ZDHHC11: variants seen among roughly 807,000 people sequenced by gnomAD.
The protein encoded by ZDHHC11 is zDHHC palmitoyltransferase 11.
A neutral mutation model predicts 51.3 loss-of-function variants in ZDHHC11; 44 were observed. That is an observed-to-expected ratio of 0.86 (90% CI 0.67 to 1.10). ZDHHC11 has a LOEUF of 1.10. Ranked by LOEUF, ZDHHC11 falls within the 50% of genes least tolerant of loss-of-function variation. ZDHHC11 has a pLI of 0.00. For missense variants in ZDHHC11, 400 were observed against 537.7 expected (o/e 0.74, Z 2.53); for synonymous variants, 163 against 222.0 (o/e 0.73, Z 2.36).
chr5:808,727 T>C (rs1415222576), intron 11 of ZDHHC11, among the ~76,000 whole-genome samples: 14 of 146,436 alleles, frequency 9.6e-5, no homozygotes, highest in Non-Finnish European at 1.5e-5. Context: ...TGAGACAGTC[T>C]TGCTCTGTCG....
intron 6 of ZDHHC11, among the ~76,000 whole-genome samples, chr5:835,528 G>C (rs1169836299): frequency 6.6e-6 from 1 of 151,886 alleles, no homozygotes; most frequent in Non-Finnish European, 1.5e-5. Flanking sequence ...GGTTGTGTAA[G>C]TTCTCCAATT....
upstream of ZDHHC11, among the ~76,000 whole-genome samples, chr5:860,254 C>A (rs1437498352): frequency 1.3e-5 from 2 of 152,224 alleles, no homozygotes; most frequent in African/African-American, 4.8e-5. This position sits in a 1 kb window ranked among gnomAD's most constrained non-coding sequence, Gnocchi z 4.2. Flanking sequence ...GCCAGAGAGG[C>A]TGAGACGGTG....
chr5:854,314 A>AG (rs1747798489), upstream of ZDHHC11, among the ~76,000 whole-genome samples: 1 of 139,448 alleles, frequency 7.2e-6, no homozygotes, highest in Non-Finnish European at 1.5e-5. Context: ...ACAGCAAGCC[A>AG]GGGGGACAGA....
rs903448913 is a variant in ZDHHC11 at position 809,351 on chromosome 5, C to T, written c.1181+5410G>A. ...TGGTGAGCCTGTGTCCCCAGATTCACAGGCTGAAGTCCTAACCCCAGCGTT... is the reference window on the plus strand; with the variant it reads ...TGGTGAGCCTGTGTCCCCAGATTCATAGGCTGAAGTCCTAACCCCAGCGTT... On this transcript the variant is annotated intron_variant, in intron 11 of 12. Coordinates refer to ENST00000283441, the MANE Select transcript of ZDHHC11 (RefSeq NM_024786.3). Among the ~76,000 whole-genome samples, 5 of 142,114 alleles carry T rather than the reference C, an allele frequency of 3.5e-5. No individual in the cohort carries two copies. In the East Asian group the frequency reaches 1.0e-3, roughly 29 times the overall value. 93.2% of individuals were successfully genotyped at this position (142,114 alleles called of 152,430 possible).
At chr5:802,871 A>AAAAAAAAAAAC (rs1561228376) in intron 11 of ZDHHC11, among the ~76,000 whole-genome samples, 6 of 114,246 alleles carry the variant, frequency 5.3e-5, no homozygotes, top group African/African-American at 1.9e-4. Context: ...AAAAAAAAAA[A>AAAAAAAAAAAC]AAAGCTAAAT....
In ZDHHC11 at chr5:824,632, C is replaced by G. The variant is rs1319690841; in HGVS notation, c.1023+532G>C. ...ACACACATATACACGTGACCACACA[C>G]CACACACAAAACCACACACATAACC... is the stretch of plus-strand genomic sequence containing the variant. On this transcript the variant is annotated intron_variant, in intron 8 of 12. Transcript: ENST00000283441. Among the ~76,000 whole-genome samples, 5 of 149,938 alleles carry G rather than the reference C, an allele frequency of 3.3e-5. 1 individual carries two copies. Among genetic ancestry groups the G allele is most frequent in the Non-Finnish European group, 7.4e-5 (5 of 67,734 alleles).
intron 11 of ZDHHC11, among the ~76,000 whole-genome samples, chr5:813,347 A>T (rs1301770594): frequency 7.0e-6 from 1 of 142,052 alleles, no homozygotes; most frequent in Non-Finnish European, 1.5e-5. Flanking sequence ...AAAAAATAAA[A>T]AAATAAATGT....
intron 5 of ZDHHC11, 59 bp from the exon 6 acceptor site, chr5:837,539 C>G: frequency 6.4e-7 from 1 of 1,563,708 alleles, no homozygotes; most frequent in Non-Finnish European, 8.8e-7. Context: ...TGCACGGCGC[C>G]CACAGGACAG....
chr5:838,159 A>T (rs1031866337), intron 5 of ZDHHC11, among the ~76,000 whole-genome samples: 7 of 151,626 alleles, frequency 4.6e-5, no homozygotes, highest in Non-Finnish European at 1.5e-5. Context: ...AGCCCTGCAC[A>T]GTGCCCACAG....
In ZDHHC11 at chr5:840,970, G is replaced by A. The variant is rs542300057; in HGVS notation, c.629-320C>T. 1.0e-4 allele frequency: 135 copies of A among 1,334,806 alleles called. 1 individual carries two copies. In the African/African-American group the frequency reaches 1.6e-3, roughly 16 times the overall value. The allele number at this position is 1,334,806 out of a possible 1,614,324, so 82.7% of individuals were successfully genotyped here. ...CACCCCTTGCTCACTAAGAGCCAGG[G>A]TCACAGCGCCCACCCCTTCCTAAGT... is the stretch of plus-strand genomic sequence containing the variant. On this transcript the variant is annotated intron_variant, in intron 4 of 12. Coordinates refer to ENST00000283441, the MANE Select transcript of ZDHHC11 (RefSeq NM_024786.3).
chr5:807,387 G>T lies in ZDHHC11; in HGVS notation c.1182-6223C>A, dbSNP rs868282326. On this transcript the variant is annotated intron_variant, in intron 11 of 12. Coordinates refer to ENST00000283441, the MANE Select transcript of ZDHHC11 (RefSeq NM_024786.3). Reference sequence around the variant, plus strand: ...CAAGAGAATGAAGAGCATGAGCGGGGTGCAAGGACTTGGAATAGGGGCCCC... The same window carrying T: ...CAAGAGAATGAAGAGCATGAGCGGGTTGCAAGGACTTGGAATAGGGGCCCC... Among the ~76,000 whole-genome samples, 60 of 151,442 alleles carry T rather than the reference G, an allele frequency of 4.0e-4. 3 individuals carry two copies. In the Middle Eastern group the frequency reaches 0.01, roughly 26 times the overall value.
chr5:821,168 CTG>C (rs200765612), intron 9 of ZDHHC11: 8,083 of 151,496 alleles, frequency 0.053, 780 homozygotes, highest in African/African-American at 0.18. Flanking sequence ...TGGCTCTCTG[CTG>C]CTCCCCCCGG....
chr5:812,324 T>C (rs1157194980), intron 11 of ZDHHC11, among the ~76,000 whole-genome samples: 1 of 151,930 alleles, frequency 6.6e-6, no homozygotes, highest in East Asian at 1.9e-4. Flanking sequence ...AAGAAATACG[T>C]TGGAAACACA....
chr5:841,339 G>A lies in ZDHHC11; in HGVS notation c.629-689C>T, dbSNP rs3889441. On this transcript the variant is annotated intron_variant, in intron 4 of 12. Coordinates refer to ENST00000283441, the MANE Select transcript of ZDHHC11 (RefSeq NM_024786.3). ...GCCCACCCCTTCCTTACTAAGTGCCGGGGTCACAGTGCCCACCCCTTCCTC... is the reference window on the plus strand; with the variant it reads ...GCCCACCCCTTCCTTACTAAGTGCCAGGGTCACAGTGCCCACCCCTTCCTC... 581 of 907,648 alleles carry A rather than the reference G, an allele frequency of 6.4e-4. 10 individuals are homozygous for A. The African/African-American group carries it at 0.015, about 23-fold the overall frequency. The allele number at this position is 907,648 out of a possible 1,614,324, so 56.2% of individuals were successfully genotyped here.
At chr5:810,646 A>G (rs1456983095) in intron 11 of ZDHHC11, among the ~76,000 whole-genome samples, 3 of 151,506 alleles carry the variant, frequency 2.0e-5, no homozygotes, top group Non-Finnish European at 3.0e-5. Context: ...GAGTGAGTCT[A>G]TAAGGTGGAC....
chr5:805,798 G>A (rs1739161265), intron 11 of ZDHHC11, among the ~76,000 whole-genome samples: 1 of 151,308 alleles, frequency 6.6e-6, no homozygotes, highest in Non-Finnish European at 1.5e-5. Flanking sequence ...GGACAAAGAT[G>A]CTGAGTTAAA....
At chr5:859,118 A>T (rs768615445), upstream of ZDHHC11, among the ~76,000 whole-genome samples, 2 of 152,020 alleles carry the variant, frequency 1.3e-5, no homozygotes, top group Non-Finnish European at 2.9e-5. Flanking sequence ...AGGTGAAATA[A>T]TGCATGCAGT....
chr5:835,615 T>C (rs1217548984), intron 6 of ZDHHC11, among the ~76,000 whole-genome samples: 1 of 152,080 alleles, frequency 6.6e-6, no homozygotes, highest in Admixed American at 6.5e-5. Flanking sequence ...TAGGACCACC[T>C]TGTCATTTCT....
intron 11 of ZDHHC11, among the ~76,000 whole-genome samples, chr5:803,881 T>A (rs1738845714): frequency 6.7e-6 from 1 of 149,394 alleles, no homozygotes; most frequent in Non-Finnish European, 1.5e-5. Flanking sequence ...TTAGAAGAGT[T>A]CAACAGATTT....
Sources: gnomAD v4.1 joint callset for allele counts (sites outside exome capture counted in the v4.1 genomes callset) on GRCh38, gnomAD v4.1.1 for gene constraint, Gnocchi (gnomAD v3.1) non-coding constraint, MANE v1.5 for transcripts, NCBI Gene and HGNC (gene_info 2026-07-23, HGNC 2026-07-21) for gene names.